Variants in GABRB3 observed in about 807,000 individuals in gnomAD.
The protein encoded by GABRB3 is gamma-aminobutyric acid type A receptor subunit beta3, also known as gamma-aminobutyric acid receptor subunit beta-3.
GABRB3 carries 14 observed loss-of-function variants against 52.1 expected under a neutral mutation model. The ratio of observed to expected loss-of-function variants is 0.27; its 90% CI spans 0.18 to 0.42. The LOEUF (loss-of-function observed/expected upper bound fraction) is 0.42. GABRB3 is among the 10% of genes least tolerant of loss of function. GABRB3 has a pLI of 1.00. For missense variants in GABRB3, 307 were observed against 609.1 expected (o/e 0.50, Z 5.22); for synonymous variants, 260 against 232.3 (o/e 1.12, Z -1.08).
intron 3 of GABRB3, among the ~76,000 whole-genome samples, chr15:26,640,474 G>A (rs957555240): frequency 4.6e-4 from 70 of 151,934 alleles, no homozygotes; most frequent in African/African-American, 1.6e-3. Flanking sequence ...CCGAGATCAC[G>A]CCACTGCACT....
chr15:26,661,741 G>C (rs1193369251), intron 3 of GABRB3, among the ~76,000 whole-genome samples: 1 of 152,144 alleles, frequency 6.6e-6, no homozygotes, highest in Non-Finnish European at 1.5e-5. Context: ...GGAGATGCAA[G>C]AGCTCATCCC....
intron 7 of GABRB3, among the ~76,000 whole-genome samples, chr15:26,564,937 T>C (rs1890111469): frequency 6.6e-6 from 1 of 152,216 alleles, no homozygotes; most frequent in African/African-American, 2.4e-5. Flanking sequence ...CTGGAAGTCA[T>C]ACTAACTGGA....
In GABRB3 at chr15:26,545,034, G is replaced by A. The variant is rs1183902776; in HGVS notation, c.*2759C>T. On this transcript the variant is annotated 3_prime_UTR_variant, in exon 9 of 9. Transcript: ENST00000311550. ...CAACTCTCTTCTGTTAACACAGTCA[G>A]AGTTCTCTTCTCAATGCTCTCACAA... 1 of 152,542 alleles carries A rather than the reference G, an allele frequency of 6.6e-6. No homozygotes were observed. Among genetic ancestry groups the A allele is most frequent in the Non-Finnish European group, 1.5e-5 (1 of 68,024 alleles). The allele number at this position is 152,542 out of a possible 1,614,324, so 9.4% of individuals were successfully genotyped here.
chr15:26,615,947 T>C (rs1892239700), intron 4 of GABRB3: 2 of 1,288,984 alleles, frequency 1.6e-6, no homozygotes, highest in Non-Finnish European at 2.0e-6. Flanking sequence ...AGCAGTACTT[T>C]ACAAGCAGGA....
At position 26,726,071 on chromosome 15, in the gene GABRB3, G is replaced by A. The variant is rs114320326; in HGVS notation, c.240+46331C>T. 1.8e-3 allele frequency among the ~76,000 whole-genome samples: 274 copies of A among 152,210 alleles called. 1 individual carries two copies. The highest frequency in any genetic ancestry group is 6.1e-3 in the African/African-American group (252 of 41,528). On this transcript the variant is annotated intron_variant, in intron 3 of 8. Coordinates refer to ENST00000311550, the MANE Select transcript of GABRB3 (RefSeq NM_000814.6). ...GGAAATCTGGGTGTGCTGGGCATGC[G>A]CACAAAAGACATATCACAGCTGGAG...
rs138845153 is a variant in GABRB3 at position 26,566,127 on chromosome 15, T to C, written c.835+1454A>G. 9.5e-3 allele frequency among the ~76,000 whole-genome samples: 1,442 copies of C among 151,644 alleles called. 14 individuals are homozygous for C. The highest frequency in any genetic ancestry group is 0.02 in the Middle Eastern group (6 of 294). ...GCAGGCTGTAGAAAAGTCCTGGAGATTTTTTTTCTTTTTTTAGAGAACTGT... is the reference window on the plus strand; with the variant it reads ...GCAGGCTGTAGAAAAGTCCTGGAGACTTTTTTTCTTTTTTTAGAGAACTGT... On this transcript the variant is annotated intron_variant, in intron 7 of 8. Coordinates refer to ENST00000311550, the MANE Select transcript of GABRB3 (RefSeq NM_000814.6).
chr15:26,736,715 G>A (rs1005727464), intron 3 of GABRB3, among the ~76,000 whole-genome samples: 2 of 152,220 alleles, frequency 1.3e-5, no homozygotes, highest in South Asian at 2.1e-4. Flanking sequence ...AAAGGAATTC[G>A]CTAGAATGTG....
chr15:26,674,638 G>A (rs1244831987), intron 3 of GABRB3, among the ~76,000 whole-genome samples: 2 of 152,136 alleles, frequency 1.3e-5, no homozygotes, highest in Non-Finnish European at 2.9e-5. Flanking sequence ...TAAGATCTAT[G>A]AGGAAAAACA....
chr15:26,650,440 A>G (rs1887160293), intron 3 of GABRB3, among the ~76,000 whole-genome samples: 1 of 152,042 alleles, frequency 6.6e-6, no homozygotes, highest in Non-Finnish European at 1.5e-5. Context: ...GTAGGGCCAA[A>G]AGAGAAGCAG....
chr15:26,762,841 G>C (rs1890856859), intron 3 of GABRB3, among the ~76,000 whole-genome samples: 1 of 152,158 alleles, frequency 6.6e-6, no homozygotes. Context: ...AGCAACCATT[G>C]TTTTAGTCCA....
intron 4 of GABRB3, among the ~76,000 whole-genome samples, chr15:26,610,587 T>C (rs1414967328): frequency 6.6e-6 from 1 of 152,150 alleles, no homozygotes; most frequent in Non-Finnish European, 1.5e-5. Context: ...TTGGGCTCTC[T>C]ATGGACCTCA....
chr15:26,658,182 A>G (rs1043196386), intron 3 of GABRB3, among the ~76,000 whole-genome samples: 2 of 152,178 alleles, frequency 1.3e-5, no homozygotes, highest in African/African-American at 4.8e-5. Context: ...AAAAACAAGA[A>G]GACAGTTTTG....
At chr15:26,556,545 T>C (rs1889758643) in intron 8 of GABRB3, among the ~76,000 whole-genome samples, 2 of 152,150 alleles carry the variant, frequency 1.3e-5, no homozygotes, top group Admixed American at 1.3e-4. Flanking sequence ...CCATAATGCA[T>C]GAATTACAAC....
intron 3 of GABRB3, among the ~76,000 whole-genome samples, chr15:26,697,516 T>A (rs916179916): frequency 6.6e-6 from 1 of 152,008 alleles, no homozygotes; most frequent in African/African-American, 2.4e-5. Flanking sequence ...CCTGGCACAC[T>A]CTCTCAGGTC....
In GABRB3 at chr15:26,705,467, T is replaced by G. The variant is rs114033782; in HGVS notation, c.240+66935A>C. 4.7e-3 allele frequency among the ~76,000 whole-genome samples: 723 copies of G among 152,304 alleles called. 7 individuals carry two copies. The highest frequency in any genetic ancestry group is 0.016 in the African/African-American group (684 of 41,554). The stretch of plus-strand genomic sequence containing the variant: ...ACATAAACATAGTCCAGCCCAAATG[T>G]CCATCAACAGATGAATGATAACAAA... On this transcript the variant is annotated intron_variant, in intron 3 of 8. Transcript: ENST00000311550.
intron 3 of GABRB3, among the ~76,000 whole-genome samples, chr15:26,697,841 T>C (rs752460058): frequency 5.3e-5 from 8 of 152,184 alleles, no homozygotes; most frequent in Non-Finnish European, 1.0e-4. Flanking sequence ...CACGCTGTGC[T>C]CTCATTTGTT....
chr15:26,582,771 GCAA>G (rs1169580913), intron 5 of GABRB3, among the ~76,000 whole-genome samples: 1 of 152,160 alleles, frequency 6.6e-6, no homozygotes, highest in Non-Finnish European at 1.5e-5. Flanking sequence ...GCCAAGATAA[GCAA>G]CAACAAAAAC....
At chr15:26,577,520 CAA>C (rs1311308975) in intron 6 of GABRB3, among the ~76,000 whole-genome samples, 3 of 151,938 alleles carry the variant, frequency 2.0e-5, no homozygotes, top group Non-Finnish European at 2.9e-5. Context: ...CTGAAAAAAA[CAA>C]ACAAAACAAA....
intron 4 of GABRB3, among the ~76,000 whole-genome samples, chr15:26,618,103 T>C (rs1216375007): frequency 1.3e-5 from 2 of 152,092 alleles, no homozygotes; most frequent in Admixed American, 1.3e-4. Flanking sequence ...AGGTAATTTA[T>C]AGATTCAATG....
Sources: gnomAD v4.1 joint callset for allele counts (sites outside exome capture counted in the v4.1 genomes callset) on GRCh38, gnomAD v4.1.1 for gene constraint, MANE v1.5 for transcripts, NCBI Gene and HGNC (gene_info 2026-07-23, HGNC 2026-07-21) for gene names.